ANKRD30B: variants seen among roughly 807,000 people sequenced by gnomAD.
ANKRD30B encodes the protein ankyrin repeat domain-containing protein 30B.
In ANKRD30B, 144 loss-of-function variants were observed where a neutral mutation model predicts 202.2. The observed-to-expected ratio is 0.71, with a 90% CI of 0.62 to 0.82. The LOEUF (loss-of-function observed/expected upper bound fraction) is 0.82. ANKRD30B is among the 40% of genes least tolerant of loss of function. The pLI, the probability that ANKRD30B is intolerant of heterozygous loss-of-function variation, is 0.00. For missense variants in ANKRD30B, 1,487 were observed against 1,669.1 expected (o/e 0.89, Z 1.90); for synonymous variants, 508 against 561.3 (o/e 0.91, Z 1.34).
In ANKRD30B at chr18:14,748,273, G is replaced by T; in HGVS notation, c.-147G>T. 1.7e-6 allele frequency: 1 copy of T among 603,430 alleles called. No individual in the cohort carries two copies. Among genetic ancestry groups the T allele is most frequent in the East Asian group, 2.9e-5 (1 of 34,164 alleles). The allele number at this position is 603,430 out of a possible 1,614,324, so 37.4% of individuals were successfully genotyped here. On this transcript the variant is annotated 5_prime_UTR_variant, in exon 1 of 44. Coordinates refer to ENST00000690538, the MANE Select transcript of ANKRD30B (RefSeq NM_001367607.2). ...TGGCGATACAGAAATTTCTGCTGGT[G>T]TTGGGGCGGGTGCGGGAACTGAAGA...
intron 1 of ANKRD30B, among the ~76,000 whole-genome samples, chr18:14,749,998 AC>A (rs1913174042): frequency 1.3e-5 from 2 of 152,086 alleles, no homozygotes; most frequent in African/African-American, 2.4e-5. Flanking sequence ...AGATAAAAAT[AC>A]CAGAAAAAAC....
At chr18:14,917,401 C>T in the ANKRD30B span, among the ~76,000 whole-genome samples, 1 of 152,148 alleles carries the variant, frequency 6.6e-6, no homozygotes, top group Non-Finnish European at 1.5e-5. Context: ...CCTCTTCCAT[C>T]TTTCCCTTCC....
At chr18:14,873,397 C>T in the ANKRD30B span, among the ~76,000 whole-genome samples, 1 of 151,686 alleles carries the variant, frequency 6.6e-6, no homozygotes, top group Non-Finnish European at 1.5e-5. Context: ...TGGTGGCAGG[C>T]ACCTGTAATC....
intron 39 of ANKRD30B, among the ~76,000 whole-genome samples, chr18:14,846,647 AT>A (rs1971649845): frequency 6.6e-6 from 1 of 152,038 alleles, no homozygotes; most frequent in Admixed American, 6.6e-5. Flanking sequence ...TGTTTTCTTG[AT>A]TAAGTGAACC....
At chr18:14,821,161 G>T (rs1009239668) in intron 30 of ANKRD30B, among the ~76,000 whole-genome samples, 55 of 152,106 alleles carry the variant, frequency 3.6e-4, no homozygotes, top group African/African-American at 1.3e-3. Flanking sequence ...AGAGGTGTTT[G>T]TAGTATTCTC....
chr18:14,876,221 C>T, the ANKRD30B span, among the ~76,000 whole-genome samples: 1 of 151,742 alleles, frequency 6.6e-6, no homozygotes, highest in Non-Finnish European at 1.5e-5. Context: ...CCCAGCTTTG[C>T]CACAGATTTG....
the ANKRD30B span, among the ~76,000 whole-genome samples, chr18:14,895,309 C>T: frequency 1.2e-4 from 18 of 151,824 alleles, no homozygotes; most frequent in Admixed American, 7.9e-4. Flanking sequence ...AAAAAGGAAT[C>T]GCAAATTAAA....
chr18:14,868,613 C>T, the ANKRD30B span, among the ~76,000 whole-genome samples: 1 of 152,240 alleles, frequency 6.6e-6, no homozygotes, highest in Non-Finnish European at 1.5e-5. Context: ...GGTCCCCTGC[C>T]TCTGGGCACC....
At chr18:14,786,395 T>C (rs961879646) in intron 14 of ANKRD30B, among the ~76,000 whole-genome samples, 1 of 152,212 alleles carries the variant, frequency 6.6e-6, no homozygotes, top group East Asian at 1.9e-4. Flanking sequence ...ACTCTGAAGA[T>C]ATTGTTGCAT....
intron 18 of ANKRD30B, among the ~76,000 whole-genome samples, chr18:14,797,059 C>G (rs533437183): frequency 6.1e-4 from 93 of 152,192 alleles, no homozygotes; most frequent in African/African-American, 1.2e-3. Context: ...AAGCTGGTTA[C>G]AAACAATCCA....
At chr18:14,763,117 T>C (rs1915522331) in intron 6 of ANKRD30B, among the ~76,000 whole-genome samples, 1 of 152,138 alleles carries the variant, frequency 6.6e-6, no homozygotes, top group Non-Finnish European at 1.5e-5. Flanking sequence ...TTTTTTATTA[T>C]TTATTACTTT....
At chr18:14,758,790 A>C (rs1170675180) in intron 5 of ANKRD30B, among the ~76,000 whole-genome samples, 1 of 152,204 alleles carries the variant, frequency 6.6e-6, no homozygotes, top group Non-Finnish European at 1.5e-5. Flanking sequence ...TGAAAGTTTA[A>C]GACTGTACGA....
intron 12 of ANKRD30B, 71 bp from the exon 13 acceptor site, chr18:14,784,265 A>G: frequency 6.9e-7 from 1 of 1,446,162 alleles, no homozygotes; most frequent in Non-Finnish European, 9.7e-7. Context: ...GTTAGATACT[A>G]TCACTGCATT....
chr18:14,776,178 T>C (rs1009463834), intron 9 of ANKRD30B, among the ~76,000 whole-genome samples: 5 of 152,192 alleles, frequency 3.3e-5, no homozygotes, highest in Non-Finnish European at 7.3e-5. Context: ...GAGACTTTCC[T>C]GATGAGATTT....
At chr18:14,763,291 A>G (rs1397793786) in intron 6 of ANKRD30B, among the ~76,000 whole-genome samples, 1 of 152,112 alleles carries the variant, frequency 6.6e-6, no homozygotes, top group Non-Finnish European at 1.5e-5. Flanking sequence ...GTTCACTCCT[A>G]TAATCCTAGC....
At position 14,757,931 on chromosome 18, in the gene ANKRD30B, C is replaced by T. The variant is rs1426384183; in HGVS notation, c.734C>T (p.Ala245Val). Residue 245 changes from alanine to valine, a missense_variant, in exon 5 of 44, where the codon GCT becomes GTT. Ala to Val is a moderately conservative substitution (Grantham distance 64). Around this residue, in one of 6 missense-constraint regions of ANKRD30B, gnomAD observed 889 missense variants for 841.4 expected, o/e 1.06. Transcript: ENST00000690538. The part of the protein sequence containing the change: ...DIHGITAERY[A>V]AACGVNYIHQ... ...CATGGAATAACTGCAGAACGTTATG[C>T]TGCTGCTTGTGGAGTTAATTAGTAA... The T allele has an allele frequency of 1.2e-6, 2 of 1,602,318 alleles. No individual in the cohort carries two copies. The highest frequency in any genetic ancestry group is 1.7e-6 in the Non-Finnish European group (2 of 1,173,736).
Position 14,752,989 on chromosome 18 carries a change from G to T in ANKRD30B, c.487G>T (p.Ala163Ser). Reference sequence around the variant, plus strand: ...GGTGGCAACACTGCTGTCCTATGGTGCAGTCATCGAGGTGCAAAACAAGGT... The same window carrying T: ...GGTGGCAACACTGCTGTCCTATGGTTCAGTCATCGAGGTGCAAAACAAGGT... The part of the protein sequence containing the change: ...LMVATLLSYG[A>S]VIEVQNKASL... Residue 163 changes from alanine (A) to serine (S), a missense_variant, in exon 3 of 44, where the codon GCA (alanine) becomes TCA (serine). Ala to Ser is a moderately conservative substitution (Grantham distance 99). Transcript: ENST00000690538. 6.3e-7 allele frequency: 1 copy of T among 1,599,268 alleles called. No homozygotes were observed.
intron 33 of ANKRD30B, among the ~76,000 whole-genome samples, chr18:14,828,993 GTTC>G (rs778365070): frequency 6.6e-6 from 1 of 152,106 alleles, no homozygotes; most frequent in South Asian, 2.1e-4. Context: ...TCTTAGTTTA[GTTC>G]TTCTTCAAAG....
chr18:14,768,450 G>T (rs1449402613), intron 7 of ANKRD30B, among the ~76,000 whole-genome samples: 3 of 152,174 alleles, frequency 2.0e-5, no homozygotes, highest in Admixed American at 2.0e-4. Flanking sequence ...GAAACCAGCT[G>T]GTTAGATGAT....
Sources: gnomAD v4.1 joint callset for allele counts (sites outside exome capture counted in the v4.1 genomes callset) on GRCh38, gnomAD v4.1.1 for gene constraint, gnomAD v4.1.1 regional missense constraint, MANE v1.5 for transcripts, NCBI Gene and HGNC (gene_info 2026-07-23, HGNC 2026-07-21) for gene names.